SRGAP2: variants seen among roughly 807,000 people sequenced by gnomAD.
SRGAP2 encodes the protein SLIT-ROBO Rho GTPase-activating protein 2.
In SRGAP2, 15 loss-of-function variants were observed where a neutral mutation model predicts 57.2. The observed-to-expected ratio is 0.26, with a 90% CI of 0.18 to 0.40. The LOEUF is 0.40. SRGAP2 is among the 10% of genes least tolerant of loss of function. The probability of loss-of-function intolerance (pLI) is 1.00; values close to 1 mark genes in which losing one functional copy is unlikely to be tolerated. For synonymous variants in SRGAP2, 249 were observed against 248.0 expected (o/e 1.00, Z -0.04); for missense variants, 520 against 669.6 (o/e 0.78, Z 2.47).
At chr1:206,443,184 A>C (rs1395419803) in intron 17 of SRGAP2, among the ~76,000 whole-genome samples, 1 of 152,234 alleles carries the variant, frequency 6.6e-6, no homozygotes, top group Non-Finnish European at 1.5e-5. Context: ...GAAGCACAAA[A>C]GATGAGTTCA....
At chr1:206,446,335 C>T (rs782589278) in intron 18 of SRGAP2, 36 bp downstream of exon 18, 21 of 776,112 alleles carry the variant, frequency 2.7e-5, no homozygotes, top group South Asian at 2.7e-4. Context: ...GGGAGGGATT[C>T]ACTAGCACAC....
chr1:206,355,550 A>G (rs1464836480), intron 4 of SRGAP2, among the ~76,000 whole-genome samples: 105 of 152,278 alleles, frequency 6.9e-4, no homozygotes, highest in Admixed American at 1.9e-3. Flanking sequence ...GGTGTTATTC[A>G]TGGTGCCAGC....
At chr1:206,433,650 G>GATAA (rs1370472002) in intron 14 of SRGAP2, among the ~76,000 whole-genome samples, 1 of 148,822 alleles carries the variant, frequency 6.7e-6, no homozygotes, top group Admixed American at 6.7e-5. Flanking sequence ...AAAAAAAAAA[G>GATAA]ATAAATAAAT....
At chr1:206,245,009 C>T (rs1668459955) in intron 2 of SRGAP2, among the ~76,000 whole-genome samples, 1 of 145,908 alleles carries the variant, frequency 6.9e-6, no homozygotes, top group South Asian at 2.4e-4. Flanking sequence ...CATTACTTTT[C>T]ACTTGTCATG....
chr1:206,319,280 G>A (rs1328997718), intron 3 of SRGAP2, among the ~76,000 whole-genome samples: 1 of 147,390 alleles, frequency 6.8e-6, no homozygotes, highest in African/African-American at 2.7e-5. Context: ...GTGTGGTGGC[G>A]GGTGCCTGTC....
At chr1:206,457,629 G>A (rs1441468866) in intron 21 of SRGAP2, among the ~76,000 whole-genome samples, 2 of 152,184 alleles carry the variant, frequency 1.3e-5, no homozygotes, top group Non-Finnish European at 2.9e-5. Flanking sequence ...ACTGATACAT[G>A]CCAGGTCCTG....
chr1:206,364,319 T>C (rs1266016318), intron 4 of SRGAP2, among the ~76,000 whole-genome samples: 2 of 144,286 alleles, frequency 1.4e-5, no homozygotes, highest in Non-Finnish European at 3.0e-5. Flanking sequence ...TTTTTTTTTT[T>C]GAGATGGAGT....
intron 17 of SRGAP2, among the ~76,000 whole-genome samples, chr1:206,440,780 C>G (rs1001859952): frequency 6.6e-6 from 1 of 152,182 alleles, no homozygotes; most frequent in Non-Finnish European, 1.5e-5. Flanking sequence ...CTCTTGACCT[C>G]GTGATGTGCC....
At chr1:206,452,957 G>GAGA (rs74311856) in intron 19 of SRGAP2, among the ~76,000 whole-genome samples, 11 of 150,714 alleles carry the variant, frequency 7.3e-5, no homozygotes, top group Non-Finnish European at 1.6e-4. Flanking sequence ...GCAGATAAGA[G>GAGA]AGAAGAAGAT....
In SRGAP2 at chr1:206,421,244, T is replaced by C; in HGVS notation, c.1470-6T>C. The C allele has an allele frequency of 2.6e-6, 2 of 778,430 alleles. No individual in the cohort carries two copies. The highest frequency in any genetic ancestry group is 4.8e-6 in the Non-Finnish European group (2 of 416,930). The allele number at this position is 778,430 out of a possible 1,614,324, so 48.2% of individuals were successfully genotyped here. A position where few individuals can be genotyped will look rare whatever the true frequency, so the allele number is the denominator to read the frequency against. ...GTCCAATCTGATTCGGCGGGATTGGTCACAGGCGCAGCTCAACTGTGAGGA... is the reference window on the plus strand; with the variant it reads ...GTCCAATCTGATTCGGCGGGATTGGCCACAGGCGCAGCTCAACTGTGAGGA... On this transcript the variant is annotated splice_region_variant and splice_polypyrimidine_tract_variant and intron_variant, in intron 12 of 22. Transcript: ENST00000573034.
chr1:206,443,988 G>A (rs969537608), intron 17 of SRGAP2, among the ~76,000 whole-genome samples: 10 of 152,042 alleles, frequency 6.6e-5, no homozygotes, highest in African/African-American at 2.2e-4. Flanking sequence ...TCAGGAGTTT[G>A]AGACCAGCCT....
At position 206,450,483 on chromosome 1, in the gene SRGAP2, C is replaced by T. The variant is rs192872633; in HGVS notation, c.2179+18C>T. On this transcript the variant is annotated intron_variant, in intron 19 of 22. Transcript: ENST00000573034. ...CGATGACGGTACGAGGCCCTGCTTC[C>T]TGGTCAGTGGGGACGCCAGGGGTGA... The T allele has an allele frequency of 3.5e-5, 27 of 780,620 alleles. No individual in the cohort carries two copies. Among genetic ancestry groups the T allele is most frequent in the Non-Finnish European group, 6.0e-5 (25 of 417,894 alleles). 48.4% of individuals were successfully genotyped at this position (780,620 alleles called of 1,614,324 possible). A position where few individuals can be genotyped will look rare whatever the true frequency, so the allele number is the denominator to read the frequency against.
At chr1:206,437,817 G>A (rs2103322119) in intron 15 of SRGAP2, 147 bp from the exon 16 acceptor site, 1 of 664,220 alleles carries the variant, frequency 1.5e-6, no homozygotes, top group East Asian at 2.6e-5. Flanking sequence ...CTGTTCCCTG[G>A]TCTGTCCCAC....
intron 14 of SRGAP2, among the ~76,000 whole-genome samples, chr1:206,436,620 T>C (rs1553370134): frequency 6.6e-6 from 1 of 152,154 alleles, no homozygotes; most frequent in South Asian, 2.1e-4. Context: ...TGAGTACATT[T>C]TTCTATTCTT....
chr1:206,366,155 C>T (rs1653985815), intron 4 of SRGAP2, among the ~76,000 whole-genome samples: 1 of 152,112 alleles, frequency 6.6e-6, no homozygotes, highest in Admixed American at 6.5e-5. Flanking sequence ...AAAAACATAC[C>T]ACAGAGCTAG....
intron 10 of SRGAP2, among the ~76,000 whole-genome samples, chr1:206,414,962 T>A (rs1221832139): frequency 6.6e-6 from 1 of 152,208 alleles, no homozygotes; most frequent in African/African-American, 2.4e-5. Context: ...GGGCATTTTG[T>A]CGTAATGGTT....
chr1:206,438,736 G>A (rs1662002131), intron 16 of SRGAP2, among the ~76,000 whole-genome samples: 1 of 152,178 alleles, frequency 6.6e-6, no homozygotes, highest in Non-Finnish European at 1.5e-5. Context: ...ATGGAAACTT[G>A]GATTAATACA....
At chr1:206,373,010 TTTC>T (rs1558359531) in intron 4 of SRGAP2, among the ~76,000 whole-genome samples, 7 of 120,490 alleles carry the variant, frequency 5.8e-5, no homozygotes, top group South Asian at 2.9e-4. Flanking sequence ...TCTTTCTTTC[TTTC>T]TTTCTTTCTT....
intron 3 of SRGAP2, among the ~76,000 whole-genome samples, chr1:206,307,757 C>T (rs1211874360): frequency 6.6e-6 from 1 of 152,174 alleles, no homozygotes. Flanking sequence ...GTGCGGGGCC[C>T]ACCAAGCCCA....
Sources: allele counts gnomAD v4.1 joint callset (sites outside exome capture counted in the v4.1 genomes callset), GRCh38; gene constraint gnomAD v4.1.1; transcripts MANE v1.5; gene names NCBI Gene and HGNC (gene_info 2026-07-23, HGNC 2026-07-21).